The following HELLS variants were observed in gnomAD, a reference collection of about 807,000 sequenced individuals.
HELLS encodes the protein helicase, lymphoid specific.
HELLS carries 32 observed loss-of-function variants against 120.0 expected under a neutral mutation model. The ratio of observed to expected loss-of-function variants is 0.27; its 90% confidence interval spans 0.20 to 0.36. The LOEUF is 0.36. Among genes scored for constraint, HELLS ranks in the 10% least tolerant of loss-of-function variants. The pLI is 1.00. For missense variants in HELLS, 650 were observed against 993.4 expected, an observed-to-expected ratio of 0.65 and a Z score of 4.65; for synonymous variants, 341 against 323.4, an observed-to-expected ratio of 1.05 and a Z score of -0.58.
chr10:94,575,775 G>T (rs1337186030), intron 9 of HELLS, among the ~76,000 whole-genome samples: 1 of 39,848 alleles, frequency 2.5e-5, no homozygotes, highest in East Asian at 1.8e-3. Flanking sequence ...TTGTGTTTGT[G>T]TGTGTGTGTG....
intron 8 of HELLS, among the ~76,000 whole-genome samples, chr10:94,607,573 A>G (rs1715887431): frequency 6.6e-6 from 1 of 152,190 alleles, no homozygotes; most frequent in African/African-American, 2.4e-5. Flanking sequence ...TTATTTCTTT[A>G]GTGAGTCACT....
intron 10 of HELLS, among the ~76,000 whole-genome samples, chr10:94,581,042 C>T (rs891021147): frequency 3.3e-5 from 5 of 152,110 alleles, no homozygotes; most frequent in East Asian, 1.9e-4. Context: ...GCTACAACTG[C>T]GTTGACTAAG....
intron 6 of HELLS, 97 bp from the exon 7 acceptor site, chr10:94,571,291 T>G: frequency 9.8e-7 from 1 of 1,017,692 alleles, no homozygotes; most frequent in East Asian, 2.8e-5. Context: ...TCATCCTCAT[T>G]TCCTGGCAAA....
At chr10:94,594,277 C>T (rs1845639476) in intron 18 of HELLS, among the ~76,000 whole-genome samples, 1 of 151,922 alleles carries the variant, frequency 6.6e-6, no homozygotes, top group South Asian at 2.1e-4. Flanking sequence ...GTAGCCTTGA[C>T]CTTTTGGATT....
chr10:94,567,303 C>T (rs939839756), intron 6 of HELLS, among the ~76,000 whole-genome samples: 3 of 151,862 alleles, frequency 2.0e-5, no homozygotes, highest in African/African-American at 7.3e-5. Flanking sequence ...TCTTTATTTC[C>T]AAGGTTTTTT....
chr10:94,590,120 T>A (rs937987915), intron 13 of HELLS, among the ~76,000 whole-genome samples: 2 of 152,196 alleles, frequency 1.3e-5, no homozygotes, highest in African/African-American at 2.4e-5. Context: ...TGAAGAAATA[T>A]CCTCTGTACT....
At chr10:94,555,528 C>G (rs1224748167) in intron 3 of HELLS, among the ~76,000 whole-genome samples, 1 of 152,188 alleles carries the variant, frequency 6.6e-6, no homozygotes, top group African/African-American at 2.4e-5. Flanking sequence ...GAGAGGATGG[C>G]GCATCCAGAA....
At chr10:94,564,903 A>G (rs1401887820) in intron 6 of HELLS, among the ~76,000 whole-genome samples, 3 of 152,044 alleles carry the variant, frequency 2.0e-5, no homozygotes, top group Non-Finnish European at 4.4e-5. Flanking sequence ...CCACATTCTT[A>G]TATTTAAAAA....
At chr10:94,546,533 C>G (rs1433135854) in intron 2 of HELLS, 35 bp downstream of exon 2, 1 of 1,612,938 alleles carries the variant, frequency 6.2e-7, no homozygotes. Flanking sequence ...TCGTGAAAGC[C>G]TGTGGTAACC....
chr10:94,575,640 C>T (rs186364221), intron 9 of HELLS, among the ~76,000 whole-genome samples: 33 of 152,106 alleles, frequency 2.2e-4, no homozygotes, highest in Middle Eastern at 3.4e-3. Context: ...CCAAGATGGC[C>T]TCTATCTCCT....
chr10:94,588,368 C>G lies in HELLS; in HGVS notation c.1466C>G (p.Ala489Gly). The change falls in exon 13 of 22, where the codon GCA becomes GGA. Residue 489 changes from alanine to glycine, a missense_variant. Around this residue, in one of 9 missense-constraint regions of HELLS, gnomAD observed 191 missense variants for 259.7 expected, o/e 0.74. Coordinates refer to ENST00000348459, the MANE Select transcript of HELLS (RefSeq NM_018063.5). Reference sequence around the variant, plus strand: ...ACAGCCATTGTGAACCGTACAATTGCAAACATGTTTGGATCCAGTGAGGTA... The same window carrying G: ...ACAGCCATTGTGAACCGTACAATTGGAAACATGTTTGGATCCAGTGAGGTA... ...FYTAIVNRTIANMFGSSEKET... is the reference protein window; with the variant it reads ...FYTAIVNRTIGNMFGSSEKET... 1.2e-6 allele frequency: 2 copies of G among 1,605,048 alleles called. No individual in the cohort carries two copies. The highest frequency in any genetic ancestry group is 1.7e-6 in the Non-Finnish European group (2 of 1,176,012).
downstream of HELLS, chr10:94,602,223 A>G (rs1431268569): frequency 6.6e-6 from 1 of 152,094 alleles, no homozygotes; most frequent in Non-Finnish European, 1.5e-5. Flanking sequence ...AGTGTGTCAT[A>G]TAGAGATTTC....
At position 94,576,650 on chromosome 10, in the gene HELLS, A is replaced by G. The variant is rs1844499845; in HGVS notation, c.889-12A>G. 6.7e-7 allele frequency: 1 copy of G among 1,487,258 alleles called. No homozygotes were observed. The highest frequency in any genetic ancestry group is 9.1e-7 in the Non-Finnish European group (1 of 1,093,782). The allele number at this position is 1,487,258 out of a possible 1,614,324, so 92.1% of individuals were successfully genotyped here. A position where few individuals can be genotyped will look rare whatever the true frequency, so the allele number is the denominator to read the frequency against. On this transcript the variant is annotated splice_polypyrimidine_tract_variant and intron_variant, in intron 9 of 21. Coordinates refer to ENST00000348459, the MANE Select transcript of HELLS (RefSeq NM_018063.5). ...TCTTAAGTCTGATAAAAATCAATAT[A>G]AAATTTTTCAGATCCCTACAATGTT... is the stretch of plus-strand genomic sequence containing the variant.
intron 3 of HELLS, among the ~76,000 whole-genome samples, chr10:94,556,024 G>A (rs565068563): frequency 6.6e-6 from 1 of 152,308 alleles, no homozygotes; most frequent in Middle Eastern, 3.4e-3. Flanking sequence ...GGGCTTGTGG[G>A]AACCCTGATT....
intron 3 of HELLS, among the ~76,000 whole-genome samples, chr10:94,557,369 C>T (rs1843323054): frequency 6.6e-6 from 1 of 152,176 alleles, no homozygotes; most frequent in Non-Finnish European, 1.5e-5. Flanking sequence ...AAATATTCAA[C>T]TTAATGAGTT....
chr10:94,568,659 C>G (rs1350956400), intron 6 of HELLS, among the ~76,000 whole-genome samples: 1 of 152,072 alleles, frequency 6.6e-6, no homozygotes, highest in Admixed American at 6.6e-5. Flanking sequence ...TATGGTTTCA[C>G]AAGGAATTGC....
chr10:94,596,434 A>G (rs1845743493), intron 19 of HELLS, among the ~76,000 whole-genome samples: 1 of 151,820 alleles, frequency 6.6e-6, no homozygotes, highest in Admixed American at 6.6e-5. Context: ...CTGTTTAGCT[A>G]TTTTGTTGAA....
chr10:94,582,066 G>A (rs1468978335), intron 11 of HELLS, among the ~76,000 whole-genome samples: 1 of 152,180 alleles, frequency 6.6e-6, no homozygotes, highest in East Asian at 1.9e-4. Context: ...CTTCAGAATG[G>A]AGGAGGAGGT....
chr10:94,565,831 G>A (rs1843767995), intron 6 of HELLS, among the ~76,000 whole-genome samples: 1 of 152,150 alleles, frequency 6.6e-6, no homozygotes, highest in Non-Finnish European at 1.5e-5. Context: ...AGTAAAGAAA[G>A]GTAAATGCTG....
Sources: allele counts gnomAD v4.1 joint callset (sites outside exome capture counted in the v4.1 genomes callset), GRCh38; gene constraint gnomAD v4.1.1; regional missense constraint gnomAD v4.1.1; transcripts MANE v1.5; gene names NCBI Gene and HGNC (gene_info 2026-07-23, HGNC 2026-07-21).